C1GALT1: variants seen among roughly 807,000 people sequenced by gnomAD.
C1GALT1 encodes core 1 synthase, glycoprotein-N-acetylgalactosamine 3-beta-galactosyltransferase 1, also known as glycoprotein-N-acetylgalactosamine 3-beta-galactosyltransferase 1.
A neutral mutation model predicts 31.0 loss-of-function variants in C1GALT1; 11 were observed. That is an observed-to-expected ratio of 0.36 (90% CI 0.22 to 0.59). The LOEUF (loss-of-function observed/expected upper bound fraction) is 0.59. C1GALT1 is among the 20% of genes least tolerant of loss of function. C1GALT1 has a pLI of 0.79. For synonymous variants in C1GALT1, 175 were observed against 143.6 expected, an observed-to-expected ratio of 1.22 and a Z score of -1.56; for missense variants, 424 against 425.2, an observed-to-expected ratio of 1.00 and a Z score of 0.03.
At chr7:7,168,883 A>G (rs759246060) in intron 2 of C1GALT1, among the ~76,000 whole-genome samples, 4 of 152,238 alleles carry the variant, frequency 2.6e-5, no homozygotes, top group Non-Finnish European at 5.9e-5. Flanking sequence ...TACACAACAC[A>G]AAGTATGACA....
At chr7:7,210,503 C>A (rs867907879) in intron 1 of C1GALT1, 1 of 150,884 alleles carries the variant, frequency 6.6e-6, no homozygotes, top group African/African-American at 2.5e-5. Context: ...GAAGCTCCCC[C>A]GTACAGAGAC....
intron 1 of C1GALT1, among the ~76,000 whole-genome samples, chr7:7,206,671 C>T (rs1263441104): frequency 7.8e-5 from 9 of 116,082 alleles, no homozygotes; most frequent in East Asian, 5.4e-4. Flanking sequence ...AGCAAAACTC[C>T]GTCTCAAAAA....
intron 1 of C1GALT1, among the ~76,000 whole-genome samples, chr7:7,190,728 A>T (rs1328268850): frequency 2.6e-5 from 4 of 152,108 alleles, no homozygotes; most frequent in African/African-American, 9.7e-5. Flanking sequence ...TTAATTTTTT[A>T]AAATCTTTTT....
At chr7:7,196,923 C>G (rs1313028347) in intron 1 of C1GALT1, among the ~76,000 whole-genome samples, 1 of 150,932 alleles carries the variant, frequency 6.6e-6, no homozygotes, top group Non-Finnish European at 1.5e-5. Context: ...TTGATTTTTT[C>G]TTGTATATTT....
At chr7:7,222,492 G>A (rs1200902534) in intron 1 of C1GALT1, among the ~76,000 whole-genome samples, 1 of 152,118 alleles carries the variant, frequency 6.6e-6, no homozygotes, top group African/African-American at 2.4e-5. Context: ...AGAAATGTGT[G>A]TTTCATTGAG....
chr7:7,201,535 A>T (rs1781531147), intron 1 of C1GALT1, among the ~76,000 whole-genome samples: 1 of 152,224 alleles, frequency 6.6e-6, no homozygotes, highest in African/African-American at 2.4e-5. Context: ...GAAAGCTGTC[A>T]GACCTGGATG....
chr7:7,219,834 G>A (rs1344409383), intron 1 of C1GALT1, among the ~76,000 whole-genome samples: 1 of 151,946 alleles, frequency 6.6e-6, no homozygotes, highest in Non-Finnish European at 1.5e-5. Flanking sequence ...GTGTGGAATT[G>A]TATATGAAAT....
chr7:7,230,175 G>A (rs565496171), intron 1 of C1GALT1, among the ~76,000 whole-genome samples: 1 of 152,046 alleles, frequency 6.6e-6, no homozygotes, highest in African/African-American at 2.4e-5. Context: ...GTAGATTTTG[G>A]GATATTTTTA....
At chr7:7,225,321 C>T (rs1782711397) in intron 1 of C1GALT1, among the ~76,000 whole-genome samples, 1 of 152,146 alleles carries the variant, frequency 6.6e-6, no homozygotes, top group Non-Finnish European at 1.5e-5. Context: ...TTCCCTGTGT[C>T]ATTAGCAAAA....
intron 1 of C1GALT1, among the ~76,000 whole-genome samples, chr7:7,221,986 G>C (rs1782530039): frequency 6.6e-6 from 1 of 152,132 alleles, no homozygotes; most frequent in South Asian, 2.1e-4. Flanking sequence ...ACTACCCTGA[G>C]GGACTGAGCT....
At chr7:7,207,400 C>T (rs1218544134) in intron 1 of C1GALT1, among the ~76,000 whole-genome samples, 4 of 117,592 alleles carry the variant, frequency 3.4e-5, no homozygotes, top group African/African-American at 1.3e-4. Context: ...TGGACTCAAA[C>T]TCCTGGGCTC....
At chr7:7,232,678 T>TG (rs1783144017) in intron 1 of C1GALT1, among the ~76,000 whole-genome samples, 1 of 152,014 alleles carries the variant, frequency 6.6e-6, no homozygotes, top group South Asian at 2.1e-4. Context: ...TTAGTAGAGA[T>TG]GGGGTTTCAC....
intron 1 of C1GALT1, among the ~76,000 whole-genome samples, chr7:7,189,642 T>C (rs949620486): frequency 6.6e-6 from 1 of 152,180 alleles, no homozygotes; most frequent in Non-Finnish European, 1.5e-5. Flanking sequence ...TAAAAAAATA[T>C]ATTTCATAAA....
intron 1 of C1GALT1, among the ~76,000 whole-genome samples, chr7:7,190,156 A>G (rs1229843511): frequency 1.3e-5 from 2 of 152,194 alleles, no homozygotes. Flanking sequence ...AGAAGGAACC[A>G]GGGTTATTAT....
At chr7:7,174,434 A>C (rs1306052125) in intron 2 of C1GALT1, among the ~76,000 whole-genome samples, 4 of 152,224 alleles carry the variant, frequency 2.6e-5, no homozygotes, top group African/African-American at 9.6e-5. Context: ...GTTTTGTAAG[A>C]AAACTGCCTT....
At chr7:7,162,229 A>G (rs941943122) in intron 2 of C1GALT1, among the ~76,000 whole-genome samples, 2 of 149,040 alleles carry the variant, frequency 1.3e-5, no homozygotes, top group African/African-American at 4.9e-5. Flanking sequence ...CTTGTCATGT[A>G]GCATTAGGTA....
At chr7:7,226,971 G>A (rs1210100168) in intron 1 of C1GALT1, among the ~76,000 whole-genome samples, 7 of 152,112 alleles carry the variant, frequency 4.6e-5, no homozygotes, top group African/African-American at 1.4e-4. Context: ...TATCCATGCT[G>A]ATTTCCACAT....
intron 2 of C1GALT1, among the ~76,000 whole-genome samples, chr7:7,161,898 G>A (rs1433461812): frequency 1.3e-5 from 2 of 151,964 alleles, no homozygotes; most frequent in Non-Finnish European, 2.9e-5. Context: ...GTCATAAAGA[G>A]GTCAGAAAGA....
intron 1 of C1GALT1, among the ~76,000 whole-genome samples, chr7:7,188,060 G>A (rs1373749364): frequency 6.6e-6 from 1 of 152,122 alleles, no homozygotes; most frequent in Non-Finnish European, 1.5e-5. Flanking sequence ...GTTAGATATT[G>A]TAATAGCCTG....
Sources: gnomAD v4.1 joint callset for allele counts (sites outside exome capture counted in the v4.1 genomes callset) on GRCh38, gnomAD v4.1.1 for gene constraint, MANE v1.5 for transcripts, NCBI Gene and HGNC (gene_info 2026-07-23, HGNC 2026-07-21) for gene names.